Variants in CDH13 observed in about 807,000 individuals in gnomAD.
CDH13 encodes the protein cadherin 13.
CDH13 carries 24 observed loss-of-function variants against 63.8 expected under a neutral mutation model. That is an observed-to-expected ratio of 0.38 (90% confidence interval 0.27 to 0.53). CDH13 has a LOEUF of 0.53. Among genes scored for constraint, CDH13 ranks in the 20% least tolerant of loss-of-function variants. CDH13 has a pLI of 0.85. For synonymous variants in CDH13, 503 were observed against 355.3 expected, an observed-to-expected ratio of 1.42 and a Z score of -4.67; for missense variants, 1,049 against 903.1, an observed-to-expected ratio of 1.16 and a Z score of -2.07.
At chr16:83,061,726 A>G (rs181055333) in intron 3 of CDH13, among the ~76,000 whole-genome samples, 15 of 152,348 alleles carry the variant, frequency 9.8e-5, no homozygotes, top group African/African-American at 3.6e-4. Flanking sequence ...AGTGATAAAT[A>G]TATGAAATGA....
chr16:82,985,246 G>T (rs1416458008), intron 2 of CDH13, among the ~76,000 whole-genome samples: 1 of 152,126 alleles, frequency 6.6e-6, no homozygotes, highest in Non-Finnish European at 1.5e-5. Flanking sequence ...GACCTTAGGA[G>T]AACTTCTTTT....
chr16:83,647,718 A>G (rs956246441), intron 8 of CDH13, among the ~76,000 whole-genome samples: 6 of 152,174 alleles, frequency 3.9e-5, no homozygotes, highest in African/African-American at 1.4e-4. Context: ...TTTATCCTCA[A>G]CAATCATAGG....
At chr16:83,070,532 G>C (rs553139253) in intron 3 of CDH13, among the ~76,000 whole-genome samples, 1 of 152,048 alleles carries the variant, frequency 6.6e-6, no homozygotes, top group Non-Finnish European at 1.5e-5. Context: ...CCTTGGTGCA[G>C]TATTAAAAAA....
chr16:82,726,507 G>C (rs905469322), intron 1 of CDH13, among the ~76,000 whole-genome samples: 1 of 152,234 alleles, frequency 6.6e-6, no homozygotes, highest in Admixed American at 6.5e-5. Flanking sequence ...TTCAAAAACA[G>C]GTGGTAGGTG....
chr16:83,024,209 C>T (rs1342394025), intron 2 of CDH13, among the ~76,000 whole-genome samples: 1 of 152,072 alleles, frequency 6.6e-6, no homozygotes, highest in African/African-American at 2.4e-5. Flanking sequence ...TTAGTGGATA[C>T]AAGGACAAAC....
intron 6 of CDH13, among the ~76,000 whole-genome samples, chr16:83,463,011 C>G (rs112048988): frequency 0.012 from 1,795 of 152,100 alleles, 28 homozygotes; most frequent in African/African-American, 0.041. Flanking sequence ...CCCAGTGTGC[C>G]AAGCTCTAGG....
intron 6 of CDH13, among the ~76,000 whole-genome samples, chr16:83,364,423 AATAG>A (rs766281919): frequency 2.6e-5 from 4 of 152,202 alleles, no homozygotes; most frequent in African/African-American, 7.2e-5. Flanking sequence ...TATCCCGAGA[AATAG>A]ATAAAGGAGT....
chr16:83,625,154 C>G (rs1386077769), intron 8 of CDH13, among the ~76,000 whole-genome samples: 1 of 149,614 alleles, frequency 6.7e-6, no homozygotes, highest in African/African-American at 2.5e-5. Context: ...TAAAGAAACT[C>G]TGTGTGTGTG....
At chr16:83,499,020 C>T (rs1431586513) in intron 7 of CDH13, among the ~76,000 whole-genome samples, 1 of 152,128 alleles carries the variant, frequency 6.6e-6, no homozygotes, top group Non-Finnish European at 1.5e-5. Context: ...TTTTAAAGTA[C>T]CCCTAGTGTT....
At chr16:82,933,422 C>T (rs564456201) in intron 2 of CDH13, among the ~76,000 whole-genome samples, 316 of 152,260 alleles carry the variant, frequency 2.1e-3, no homozygotes, top group Middle Eastern at 0.014. Flanking sequence ...TGAGGTCCCT[C>T]CCCCAACACG....
At chr16:83,227,620 G>A (rs2039879825) in intron 5 of CDH13, among the ~76,000 whole-genome samples, 1 of 152,126 alleles carries the variant, frequency 6.6e-6, no homozygotes, top group Admixed American at 6.5e-5. Context: ...TGACTGCTCT[G>A]GATATGAAAT....
At chr16:83,697,725 T>A (rs77885908) in intron 10 of CDH13, among the ~76,000 whole-genome samples, 1 of 152,158 alleles carries the variant, frequency 6.6e-6, no homozygotes, top group Non-Finnish European at 1.5e-5. Context: ...TCGGCTCACT[T>A]CAACCTCCAC....
chr16:82,917,253 G>C (rs1374202773), intron 2 of CDH13, among the ~76,000 whole-genome samples: 1 of 152,214 alleles, frequency 6.6e-6, no homozygotes, highest in Non-Finnish European at 1.5e-5. Context: ...GCAAAAGCCT[G>C]ACCATGCTGA....
chr16:83,766,965 T>C (rs960808634), intron 11 of CDH13, among the ~76,000 whole-genome samples: 1 of 152,150 alleles, frequency 6.6e-6, no homozygotes, highest in East Asian at 1.9e-4. Context: ...GCCATGATTG[T>C]AAGTTTCCTG....
At chr16:83,112,478 T>A (rs116382782) in intron 3 of CDH13, among the ~76,000 whole-genome samples, 107 of 152,344 alleles carry the variant, frequency 7.0e-4, no homozygotes, top group African/African-American at 2.5e-3. Context: ...TTTTTCTATT[T>A]GGAGGGCTTA....
chr16:83,155,143 A>T (rs543218361), intron 4 of CDH13, among the ~76,000 whole-genome samples: 245 of 152,384 alleles, frequency 1.6e-3, no homozygotes, highest in African/African-American at 5.7e-3. Flanking sequence ...GCAATCTTTG[A>T]AAGCAACCAA....
intron 1 of CDH13, among the ~76,000 whole-genome samples, chr16:82,680,839 G>A (rs1197081710): frequency 6.6e-6 from 1 of 152,228 alleles, no homozygotes; most frequent in Non-Finnish European, 1.5e-5. Flanking sequence ...AAGGCTGGTG[G>A]AGAGGACCGC....
At chr16:83,388,185 G>T (rs2091712712) in intron 6 of CDH13, among the ~76,000 whole-genome samples, 1 of 151,798 alleles carries the variant, frequency 6.6e-6, no homozygotes, top group African/African-American at 2.4e-5. Context: ...TAGGCATGGT[G>T]GCTTATGGCT....
chr16:83,598,872 A>G (rs1907515526), intron 7 of CDH13, among the ~76,000 whole-genome samples: 1 of 152,216 alleles, frequency 6.6e-6, no homozygotes, highest in Non-Finnish European at 1.5e-5. Context: ...TTTAACAGAA[A>G]GATAACTTCC....
Sources: allele counts gnomAD v4.1 joint callset (sites outside exome capture counted in the v4.1 genomes callset), GRCh38; gene constraint gnomAD v4.1.1; transcripts MANE v1.5; gene names NCBI Gene and HGNC (gene_info 2026-07-23, HGNC 2026-07-21).